The following CD101 variants were observed in gnomAD, a reference collection of about 807,000 sequenced individuals.
CD101 encodes immunoglobulin superfamily member 2.
Under a neutral mutation model 98.2 loss-of-function variants are expected in CD101, and 76 were observed. The observed-to-expected ratio is 0.77, with a 90% CI of 0.64 to 0.94. CD101 has a LOEUF of 0.94. Among genes scored for constraint, CD101 ranks in the 40% least tolerant of loss-of-function variants. The probability of loss-of-function intolerance (pLI) is 0.00; values close to 1 mark genes in which losing one functional copy is unlikely to be tolerated. For synonymous variants in CD101, 471 were observed against 472.7 expected, an observed-to-expected ratio of 1.00 and a Z score of 0.05; for missense variants, 1,145 against 1,218.8, an observed-to-expected ratio of 0.94 and a Z score of 0.90.
chr1:117,016,954 G>T lies in CD101; in HGVS notation c.1229-136G>T, dbSNP rs532731311. ...AGGTTTGGCAAATCTTTTGCCTGAG[G>T]GTGGTGCAAGAGGAAACAGCCCAAT... On this transcript the variant is annotated intron_variant, in intron 4 of 9. Transcript: ENST00000682167. 2.2e-5 allele frequency: 18 copies of T among 832,678 alleles called. No individual in the cohort carries two copies. The South Asian group carries it at 2.7e-4, about 12-fold the overall frequency. The allele number at this position is 832,678 out of a possible 1,614,324, so 51.6% of individuals were successfully genotyped here.
rs754369457 is a variant in CD101 at position 117,034,004 on chromosome 1, A to G, written c.2969A>G (p.Asn990Ser). The change falls in exon 9 of 10, where the codon AAC (asparagine) becomes AGC (serine). Residue 990 changes from asparagine (N) to serine (S), a missense_variant. Asn to Ser is a conservative substitution (Grantham distance 46). Transcript: ENST00000682167. ...KARKLSTLRS[N>S]TRKEKALWVD... Reference sequence around the variant, plus strand: ...AGGAAGTTGTCAACACTGCGTTCCAACACACGGAAAGAAAAAGCTCTCTGG... The same window carrying G: ...AGGAAGTTGTCAACACTGCGTTCCAGCACACGGAAAGAAAAAGCTCTCTGG... 2.2e-5 allele frequency: 36 copies of G among 1,613,994 alleles called. No individual in the cohort carries two copies. The East Asian group carries it at 7.6e-4, about 34-fold the overall frequency.
In CD101 at chr1:117,023,962, A is replaced by G. The variant is rs1653733841; in HGVS notation, c.2429-1547A>G. Among the ~76,000 whole-genome samples the G allele has an allele frequency of 6.6e-6, 1 of 152,208 alleles. No individual in the cohort carries two copies. Among genetic ancestry groups the G allele is most frequent in the South Asian group, 2.1e-4 (1 of 4,834 alleles). On this transcript the variant is annotated intron_variant, in intron 7 of 9. Coordinates refer to ENST00000682167, the MANE Select transcript of CD101 (RefSeq NM_001256106.3). This position sits in a 1 kb window ranked among gnomAD's most constrained non-coding sequence, Gnocchi z 4.4. Reference sequence around the variant, plus strand: ...CACATAGAGGACAGAAAAGGACTAGAGGGTCCCTTGAACTGGGAAATTGGG... The same window carrying G: ...CACATAGAGGACAGAAAAGGACTAGGGGGTCCCTTGAACTGGGAAATTGGG...
chr1:117,002,523 A>G lies in CD101; in HGVS notation c.43+663A>G, dbSNP rs12030304. On this transcript the variant is annotated intron_variant, in intron 1 of 9. Coordinates refer to ENST00000682167, the MANE Select transcript of CD101 (RefSeq NM_001256106.3). ...GAGAGTCAGATGAGTTGAGCAGGTA[A>G]TGGAATAGTTTCAAACCAGATAGCA... is the stretch of plus-strand genomic sequence containing the variant. 3.3e-3 allele frequency among the ~76,000 whole-genome samples: 497 copies of G among 152,304 alleles called. 16 individuals carry two copies. In the East Asian group the frequency reaches 0.077, roughly 24 times the overall value.
intron 8 of CD101, among the ~76,000 whole-genome samples, chr1:117,029,616 C>A (rs1428267299): frequency 6.6e-6 from 1 of 152,234 alleles, no homozygotes; most frequent in African/African-American, 2.4e-5. Flanking sequence ...TAGCACAGTG[C>A]CTGGCACATA....
chr1:117,030,798 G>T (rs1654413154), intron 8 of CD101, among the ~76,000 whole-genome samples: 1 of 152,232 alleles, frequency 6.6e-6, no homozygotes, highest in Non-Finnish European at 1.5e-5. Flanking sequence ...GTTTGGGGTT[G>T]GGTAGTGGGG....
chr1:117,008,117 A>G (rs1320472464), intron 1 of CD101, among the ~76,000 whole-genome samples: 2 of 152,230 alleles, frequency 1.3e-5, no homozygotes, highest in Non-Finnish European at 2.9e-5. Context: ...CAAAAAAAGC[A>G]TGATATAAAT....
rs1654561287 is a variant in CD101 at position 117,033,042 on chromosome 1, T to C, written c.2825-818T>C. The stretch of plus-strand genomic sequence containing the variant: ...GCACTGTAGGGGATATAGAAACAAA[T>C]GGCACTATCAGACATACTCAAGTAA... On this transcript the variant is annotated intron_variant, in intron 8 of 9. Transcript: ENST00000682167. The surrounding 1 kb of genome is among the most constrained non-coding windows in gnomAD (Gnocchi z 4.8). The C allele has an allele frequency of 6.6e-6, 1 of 152,200 alleles. No individual in the cohort carries two copies. Among genetic ancestry groups the C allele is most frequent in the Non-Finnish European group, 1.5e-5 (1 of 68,070 alleles). The allele number at this position is 152,200 out of a possible 1,614,324, so 9.4% of individuals were successfully genotyped here.
intron 7 of CD101, among the ~76,000 whole-genome samples, chr1:117,025,240 G>A (rs1179360273): frequency 2.0e-5 from 3 of 152,146 alleles, no homozygotes; most frequent in African/African-American, 7.2e-5. Context: ...GCACACGCCT[G>A]TAATCCCAGC....
chr1:117,010,142 G>T lies in CD101; in HGVS notation c.336G>T (p.Gln112His). 3 of 1,614,200 alleles carry T rather than the reference G, an allele frequency of 1.9e-6. No homozygotes were observed. In the South Asian group the frequency reaches 3.3e-5, roughly 18 times the overall value. The change falls in exon 2 of 10, where the codon CAG becomes CAT. Residue 112 changes from glutamine to histidine, a missense_variant. Coordinates refer to ENST00000682167, the MANE Select transcript of CD101 (RefSeq NM_001256106.3). This position sits in a 1 kb window ranked among gnomAD's most constrained non-coding sequence, Gnocchi z 5.2. Reference protein sequence around the residue: ...NSVLLHISKLQMKDAGEYECH... With the variant: ...NSVLLHISKLHMKDAGEYECH... ...TCTTGTTGCACATCTCAAAACTCCA[G>T]ATGAAGGATGCTGGCGAGTATGAGT... is the stretch of plus-strand genomic sequence containing the variant.
chr1:117,003,332 A>C (rs1288914284), intron 1 of CD101, among the ~76,000 whole-genome samples: 1 of 152,210 alleles, frequency 6.6e-6, no homozygotes, highest in Non-Finnish European at 1.5e-5. Flanking sequence ...ACATTGATTG[A>C]GTTGAATTGT....
Position 117,013,723 on chromosome 1 carries a change from A to C in CD101, c.1159A>C (p.Thr387Pro). The change falls in exon 4 of 10, where the codon ACA (threonine) becomes CCA (proline). Residue 387 changes from threonine to proline, a missense_variant. Coordinates refer to ENST00000682167, the MANE Select transcript of CD101 (RefSeq NM_001256106.3). ...CVVAEVMKTRTGSWQVLQRKQ... is the reference protein window; with the variant it reads ...CVVAEVMKTRPGSWQVLQRKQ... ...GGTAGCAGAGGTCATGAAAACACGC[A>C]CAGGTTCCTGGCAGGTGCTTCAGAG... 6.2e-7 allele frequency: 1 copy of C among 1,614,004 alleles called. No homozygotes were observed. Among genetic ancestry groups the C allele is most frequent in the Non-Finnish European group, 8.5e-7 (1 of 1,180,024 alleles).
chr1:117,006,815 A>G lies in CD101; in HGVS notation c.44-3035A>G, dbSNP rs754390757. The stretch of plus-strand genomic sequence containing the variant: ...TCCACTTGATTGGATTATGAAATCC[A>G]GAAGTCAGAATCTAGCCTAAATTCA... On this transcript the variant is annotated intron_variant, in intron 1 of 9. Coordinates refer to ENST00000682167, the MANE Select transcript of CD101 (RefSeq NM_001256106.3). This position sits in a 1 kb window ranked among gnomAD's most constrained non-coding sequence, Gnocchi z 4.4. 6.6e-6 allele frequency among the ~76,000 whole-genome samples: 1 copy of G among 152,226 alleles called. No homozygotes were observed. Among genetic ancestry groups the G allele is most frequent in the African/African-American group, 2.4e-5 (1 of 41,468 alleles).
chr1:117,014,867 C>T (rs1015541109), intron 4 of CD101, among the ~76,000 whole-genome samples: 3 of 152,080 alleles, frequency 2.0e-5, no homozygotes, highest in Non-Finnish European at 2.9e-5. Context: ...TGTTGGTGTT[C>T]GTTTTCACAC....
rs1653010344 is a variant in CD101 at position 117,013,527 on chromosome 1, C to T, written c.963C>T (p.Phe321=). ...RDPQLQGIWF[F]NGTEIAHIDA... is the part of the protein sequence containing the mutation. ...CACAGCTTCAAGGCATTTGGTTCTT[C>T]AATGGGACTGAAATTGCTCACATTG... The change falls in exon 4 of 10, where the codon TTC becomes TTT. Residue 321 remains phenylalanine (F), a synonymous_variant. Transcript: ENST00000682167. 1 of 1,614,030 alleles carries T rather than the reference C, an allele frequency of 6.2e-7. No homozygotes were observed. Among genetic ancestry groups the T allele is most frequent in the Non-Finnish European group, 8.5e-7 (1 of 1,180,026 alleles).
rs1052072096 is a variant in CD101, at chr1:117,022,054, A to G, written c.2428+71A>G. On this transcript the variant is annotated intron_variant, in intron 7 of 9. Coordinates refer to ENST00000682167, the MANE Select transcript of CD101 (RefSeq NM_001256106.3). The surrounding 1 kb of genome is among the most constrained non-coding windows in gnomAD (Gnocchi z 4.8). Reference sequence around the variant, plus strand: ...CTGTTTTCTCTTGGGCAGCTGTTCTATGGAGTGATTATGTGGAAGTAAAAA... The same window carrying G: ...CTGTTTTCTCTTGGGCAGCTGTTCTGTGGAGTGATTATGTGGAAGTAAAAA... 1.1e-5 allele frequency: 16 copies of G among 1,489,042 alleles called. No individual in the cohort carries two copies. The African/African-American group carries it at 2.2e-4, about 21-fold the overall frequency. 92.2% of individuals were successfully genotyped at this position (1,489,042 alleles called of 1,614,324 possible). A position where few individuals can be genotyped will look rare whatever the true frequency, so the allele number is the denominator to read the frequency against.
At chr1:117,027,405 G>C (rs948755488) in intron 8 of CD101, among the ~76,000 whole-genome samples, 4 of 152,192 alleles carry the variant, frequency 2.6e-5, no homozygotes, top group African/African-American at 9.7e-5. Context: ...AGTAGACTAG[G>C]GGAACAACAG....
In CD101 at chr1:117,021,107, C is replaced by A. The variant is rs191451702; in HGVS notation, c.2018-466C>A. ...CAACTAGAGTTTGGAAATTGTGAATCCAGAAGTACTCTGCATAGTAAACAC... is the reference window on the plus strand; with the variant it reads ...CAACTAGAGTTTGGAAATTGTGAATACAGAAGTACTCTGCATAGTAAACAC... On this transcript the variant is annotated intron_variant, in intron 6 of 9. Transcript: ENST00000682167. This position sits in a 1 kb window ranked among gnomAD's most constrained non-coding sequence, Gnocchi z 4.7. 6.6e-6 allele frequency among the ~76,000 whole-genome samples: 1 copy of A among 152,282 alleles called. No homozygotes were observed. The highest frequency in any genetic ancestry group is 6.5e-5 in the Admixed American group (1 of 15,296).
chr1:117,004,170 T>TATAATA lies in CD101; in HGVS notation c.43+2310_43+2311insATAATA, dbSNP rs1202435085. Among the ~76,000 whole-genome samples, 1 of 152,188 alleles carries TATAATA rather than the reference T, an allele frequency of 6.6e-6. No individual in the cohort carries two copies. Among genetic ancestry groups the TATAATA allele is most frequent in the Admixed American group, 6.5e-5 (1 of 15,270 alleles). On this transcript the variant is annotated intron_variant, in intron 1 of 9. Coordinates refer to ENST00000682167, the MANE Select transcript of CD101 (RefSeq NM_001256106.3). The surrounding 1 kb of genome is among the most constrained non-coding windows in gnomAD (Gnocchi z 4.1). ...TGGCAGGGTTTGGGGGAAGGGCTAT[T>TATAATA]GTCTGTCTTACTGAGTTTGCATTCA...
chr1:117,015,973 A>C (rs1175790301), intron 4 of CD101, among the ~76,000 whole-genome samples: 2 of 152,196 alleles, frequency 1.3e-5, no homozygotes, highest in Non-Finnish European at 2.9e-5. Flanking sequence ...CTCACAAAGC[A>C]ACCAGGAAAG....
Sources: allele counts gnomAD v4.1 joint callset (sites outside exome capture counted in the v4.1 genomes callset), GRCh38; gene constraint gnomAD v4.1.1; non-coding constraint Gnocchi (gnomAD v3.1); transcripts MANE v1.5; gene names NCBI Gene and HGNC (gene_info 2026-07-23, HGNC 2026-07-21).